Variants in GABRG2 observed in about 807,000 individuals in gnomAD.
The protein encoded by GABRG2 is gamma-aminobutyric acid receptor subunit gamma-2.
A neutral mutation model predicts 56.4 loss-of-function variants in GABRG2; 16 were observed. The ratio of observed to expected loss-of-function variants is 0.28; its 90% CI spans 0.19 to 0.43. The LOEUF is 0.43. Ranked by LOEUF, GABRG2 falls within the 20% of genes least tolerant of loss-of-function variation. The pLI, the probability that GABRG2 is intolerant of heterozygous loss-of-function variation, is 1.00. For synonymous variants in GABRG2, 208 were observed against 205.5 expected (o/e 1.01, Z -0.10); for missense variants, 327 against 582.7 (o/e 0.56, Z 4.52).
chr5:162,123,747 A>C (rs1763132125), intron 6 of GABRG2, among the ~76,000 whole-genome samples: 1 of 151,880 alleles, frequency 6.6e-6, no homozygotes, highest in Non-Finnish European at 1.5e-5. Flanking sequence ...ATAGGAGAGA[A>C]GCAGATTTAG....
rs1489889534 is a variant in GABRG2, at chr5:162,153,861, A to G, written c.*493A>G. The G allele has an allele frequency of 1.2e-5, 2 of 170,408 alleles. No homozygotes were observed. The highest frequency in any genetic ancestry group is 2.6e-5 in the Non-Finnish European group (2 of 78,116). 10.6% of individuals were successfully genotyped at this position (170,408 alleles called of 1,614,324 possible). A position where few individuals can be genotyped will look rare whatever the true frequency, so the allele number is the denominator to read the frequency against. On this transcript the variant is annotated 3_prime_UTR_variant, in exon 10 of 10. Transcript: ENST00000639213. ...TAGTCCAGAAATCTATTACACCTTT[A>G]TCTCAAGATAGGAAGAAAATTTCCT... is the stretch of plus-strand genomic sequence containing the variant.
At chr5:162,089,943 C>A (rs1029640913) in intron 1 of GABRG2, among the ~76,000 whole-genome samples, 2 of 152,080 alleles carry the variant, frequency 1.3e-5, no homozygotes, top group Non-Finnish European at 2.9e-5. Flanking sequence ...TGGCAAATAT[C>A]CAGAATATGT....
rs189288137 is a variant in GABRG2, at chr5:162,109,321, A to T, written c.769+5295A>T. Reference sequence around the variant, plus strand: ...ACGAGTTAATGGGTGCAGCACACCAACATGACACTTGTATACATATGTAAC... The same window carrying T: ...ACGAGTTAATGGGTGCAGCACACCATCATGACACTTGTATACATATGTAAC... On this transcript the variant is annotated intron_variant, in intron 6 of 9. Coordinates refer to ENST00000639213, the MANE Select transcript of GABRG2 (RefSeq NM_198904.4). Among the ~76,000 whole-genome samples the T allele has an allele frequency of 8.4e-3, 1,257 of 149,776 alleles. 28 individuals are homozygous for T. The highest frequency in any genetic ancestry group is 0.03 in the African/African-American group (1,195 of 40,468).
intron 1 of GABRG2, 28 bp from the exon 2 acceptor site, chr5:162,093,800 G>A: frequency 6.2e-7 from 1 of 1,608,212 alleles, no homozygotes; most frequent in Non-Finnish European, 8.5e-7. Flanking sequence ...TAATCTATGT[G>A]TTTTTTGACC....
chr5:162,097,676 T>C lies in GABRG2; in HGVS notation c.366T>C (p.Tyr122=), dbSNP rs998804528. ...TIDIFFAQTW[Y]DRRLKFNSTI... is the part of the protein sequence containing the mutation. Reference sequence around the variant, plus strand: ...ATATATTTTTTGCGCAAACGTGGTATGACAGACGTTTGAAATTTAACAGCA... The same window carrying C: ...ATATATTTTTTGCGCAAACGTGGTACGACAGACGTTTGAAATTTAACAGCA... The change falls in exon 4 of 10, where the codon TAT becomes TAC. Residue 122 remains tyrosine (Y), a synonymous_variant. Coordinates refer to ENST00000639213, the MANE Select transcript of GABRG2 (RefSeq NM_198904.4). 1.2e-6 allele frequency: 2 copies of C among 1,613,654 alleles called. No individual in the cohort carries two copies. The highest frequency in any genetic ancestry group is 3.3e-5 in the Admixed American group (2 of 59,962).
intron 8 of GABRG2, chr5:162,150,286 C>T (rs1765276186): frequency 6.6e-6 from 1 of 152,180 alleles, no homozygotes. Flanking sequence ...TAGTACTCTA[C>T]ACATGAATGT....
At position 162,155,211 on chromosome 5, in the gene GABRG2, T is replaced by C. The variant is rs2113658583; in HGVS notation, c.*1843T>C. The C allele has an allele frequency of 6.6e-6, 1 of 152,634 alleles. No homozygotes were observed. The highest frequency in any genetic ancestry group is 1.5e-5 in the Non-Finnish European group (1 of 67,994). 9.5% of individuals were successfully genotyped at this position (152,634 alleles called of 1,614,324 possible). ...TATATCAGTGCTCCAGTATATAACC[T>C]CAAACAAATGTAAATAGAACGAATT... On this transcript the variant is annotated 3_prime_UTR_variant, in exon 10 of 10. Transcript: ENST00000639213.
At chr5:162,089,372 GTA>G (rs1760385020) in intron 1 of GABRG2, among the ~76,000 whole-genome samples, 1 of 152,074 alleles carries the variant, frequency 6.6e-6, no homozygotes, top group East Asian at 1.9e-4. Flanking sequence ...TGTGCATGTG[GTA>G]AAGGAAGGAA....
At chr5:162,143,861 T>A (rs1463032712) in intron 7 of GABRG2, among the ~76,000 whole-genome samples, 1 of 152,182 alleles carries the variant, frequency 6.6e-6, no homozygotes, top group African/African-American at 2.4e-5. Context: ...GACAAAATGG[T>A]CTGTACTAAG....
At chr5:162,093,416 A>T (rs946149704) in intron 1 of GABRG2, among the ~76,000 whole-genome samples, 8 of 152,238 alleles carry the variant, frequency 5.3e-5, no homozygotes, top group Admixed American at 2.0e-4. Context: ...TTCATTAATA[A>T]GTTGGGGCAA....
chr5:162,144,702 T>G (rs751605372), intron 7 of GABRG2, among the ~76,000 whole-genome samples: 1 of 152,190 alleles, frequency 6.6e-6, no homozygotes, highest in Non-Finnish European at 1.5e-5. Context: ...GTAGTAGATC[T>G]GCACCTCAGC....
intron 7 of GABRG2, among the ~76,000 whole-genome samples, chr5:162,147,284 C>G (rs1055283874): frequency 2.8e-5 from 4 of 140,788 alleles, no homozygotes; most frequent in Non-Finnish European, 6.3e-5. Flanking sequence ...TTTTCTTTTT[C>G]TTTCTCCTTT....
chr5:162,104,686 C>T (rs1761672753), intron 6 of GABRG2, among the ~76,000 whole-genome samples: 1 of 152,008 alleles, frequency 6.6e-6, no homozygotes, highest in African/African-American at 2.4e-5. Flanking sequence ...ACATAGTGAG[C>T]ACTTGGTCAT....
rs189852346 is a variant in GABRG2 at position 162,152,358 on chromosome 5, T to A, written c.1152+605T>A. On this transcript the variant is annotated intron_variant, in intron 9 of 9. Transcript: ENST00000639213. Reference sequence around the variant, plus strand: ...GACGTTAGAATTTCTGTTTAGATTATGCTAAAATGAAATCATCCAAATTAA... The same window carrying A: ...GACGTTAGAATTTCTGTTTAGATTAAGCTAAAATGAAATCATCCAAATTAA... 41 of 372,274 alleles carry A rather than the reference T, an allele frequency of 1.1e-4. 1 individual carries two copies. In the East Asian group the frequency reaches 3.0e-3, roughly 27 times the overall value. The allele number at this position is 372,274 out of a possible 1,614,324, so 23.1% of individuals were successfully genotyped here.
intron 1 of GABRG2, among the ~76,000 whole-genome samples, chr5:162,093,367 G>C (rs1760754883): frequency 6.6e-6 from 1 of 152,044 alleles, no homozygotes. Flanking sequence ...GGCATGTCTG[G>C]CAGTTTGTGG....
At chr5:162,100,998 A>G (rs1761373142) in intron 4 of GABRG2, among the ~76,000 whole-genome samples, 4 of 152,184 alleles carry the variant, frequency 2.6e-5, no homozygotes, top group Admixed American at 2.6e-4. Context: ...ATAAATTTTC[A>G]ATAAATATAG....
rs189526823 is a variant in GABRG2 at position 162,087,367 on chromosome 5, T to C, written c.108-6461T>C. Among the ~76,000 whole-genome samples, 360 of 152,238 alleles carry C rather than the reference T, an allele frequency of 2.4e-3. 3 individuals carry two copies. The highest frequency in any genetic ancestry group is 7.9e-3 in the Admixed American group (120 of 15,250). ...ATAATGAAGGTTAAATATTTATCATTTTCTCATTCTCTAGCCACTGATATC... is the reference window on the plus strand; with the variant it reads ...ATAATGAAGGTTAAATATTTATCATCTTCTCATTCTCTAGCCACTGATATC... On this transcript the variant is annotated intron_variant, in intron 1 of 9. Coordinates refer to ENST00000639213, the MANE Select transcript of GABRG2 (RefSeq NM_198904.4).
intron 1 of GABRG2, 133 bp downstream of exon 1, chr5:162,068,239 C>T (rs1275465809): frequency 1.6e-5 from 11 of 707,628 alleles, no homozygotes; most frequent in Admixed American, 8.1e-5. Context: ...TAGGAGAGAG[C>T]GAATATATGG....
rs537198402 is a variant in GABRG2, at chr5:162,140,204, G to T, written c.770-1960G>T. Among the ~76,000 whole-genome samples, 273 of 152,230 alleles carry T rather than the reference G, an allele frequency of 1.8e-3. 1 individual carries two copies. Among genetic ancestry groups the T allele is most frequent in the Non-Finnish European group, 2.8e-3 (190 of 68,022 alleles). ...AGTTGCTAGATAATTGCTACTTATTGATCTCTGGGAGGAAACTGATGTCCC... is the reference window on the plus strand; with the variant it reads ...AGTTGCTAGATAATTGCTACTTATTTATCTCTGGGAGGAAACTGATGTCCC... On this transcript the variant is annotated intron_variant, in intron 6 of 9. Transcript: ENST00000639213.
Sources: gnomAD v4.1 joint callset for allele counts (sites outside exome capture counted in the v4.1 genomes callset) on GRCh38, gnomAD v4.1.1 for gene constraint, MANE v1.5 for transcripts, NCBI Gene and HGNC (gene_info 2026-07-23, HGNC 2026-07-21) for gene names.